TNKS: variants seen among roughly 807,000 people sequenced by gnomAD.
The protein encoded by TNKS is poly [ADP-ribose] polymerase tankyrase-1.
TNKS carries 72 observed loss-of-function variants against 135.8 expected under a neutral mutation model. The ratio of observed to expected loss-of-function variants is 0.53; its 90% CI spans 0.44 to 0.64. The LOEUF is 0.64. Ranked by LOEUF, TNKS falls within the 30% of genes least tolerant of loss-of-function variation. The pLI, the probability that TNKS is intolerant of heterozygous loss-of-function variation, is 0.00. For synonymous variants in TNKS, 849 were observed against 649.3 expected, an observed-to-expected ratio of 1.31 and a Z score of -4.68; for missense variants, 1,769 against 1,674.0, an observed-to-expected ratio of 1.06 and a Z score of -0.99.
At chr8:9,592,094 T>G (rs1463912262) in intron 2 of TNKS, among the ~76,000 whole-genome samples, 1 of 152,188 alleles carries the variant, frequency 6.6e-6, no homozygotes, top group Non-Finnish European at 1.5e-5. Flanking sequence ...TAGAAAATAA[T>G]TATCTAAAAT....
At chr8:9,742,796 A>G (rs1462059198) in intron 17 of TNKS, among the ~76,000 whole-genome samples, 1 of 149,944 alleles carries the variant, frequency 6.7e-6, no homozygotes, top group Non-Finnish European at 1.5e-5. Flanking sequence ...ATACTTATAT[A>G]TTTAAGGATA....
At chr8:9,600,087 A>T (rs1798954310) in intron 2 of TNKS, among the ~76,000 whole-genome samples, 1 of 152,164 alleles carries the variant, frequency 6.6e-6, no homozygotes, top group Non-Finnish European at 1.5e-5. Context: ...TAGGTACTCT[A>T]ATATTATCTC....
chr8:9,648,635 C>T (rs960247008), intron 3 of TNKS, among the ~76,000 whole-genome samples: 31 of 152,126 alleles, frequency 2.0e-4, no homozygotes, highest in Admixed American at 1.1e-3. Flanking sequence ...GGTTTGTTTA[C>T]ACCAGCATCA....
intron 3 of TNKS, among the ~76,000 whole-genome samples, chr8:9,633,992 T>A (rs1800399811): frequency 6.6e-6 from 1 of 152,038 alleles, no homozygotes; most frequent in Non-Finnish European, 1.5e-5. Context: ...TTCATTCTTT[T>A]AAGTTGTCAT....
chr8:9,720,336 G>T (rs199723564), intron 11 of TNKS, 38 bp from the exon 12 acceptor site: 29 of 1,507,742 alleles, frequency 1.9e-5, no homozygotes, highest in Non-Finnish European at 2.6e-5. Flanking sequence ...AACTAAACAA[G>T]ATGCTCAATT....
At chr8:9,750,351 T>C (rs1032010220) in intron 18 of TNKS, among the ~76,000 whole-genome samples, 1 of 152,210 alleles carries the variant, frequency 6.6e-6, no homozygotes, top group African/African-American at 2.4e-5. Context: ...ATACATTTCC[T>C]TAAAGAGAAC....
chr8:9,697,750 A>C (rs1803586054), intron 5 of TNKS, among the ~76,000 whole-genome samples: 1 of 152,134 alleles, frequency 6.6e-6, no homozygotes, highest in Non-Finnish European at 1.5e-5. Context: ...GTCTCACACC[A>C]CTCAGAATGG....
chr8:9,763,317 C>T (rs1807249717), intron 22 of TNKS, 73 bp downstream of exon 22: 3 of 1,031,680 alleles, frequency 2.9e-6, no homozygotes, highest in South Asian at 3.4e-5. Flanking sequence ...TGGAATTAAC[C>T]TCGTCTTACA....
intron 11 of TNKS, chr8:9,710,474 AG>A (rs1299726451): frequency 1.8e-6 from 1 of 570,418 alleles, no homozygotes; most frequent in East Asian, 2.8e-5. Context: ...CATTTGAAAT[AG>A]ATTTCATCTT....
chr8:9,761,874 C>G (rs1282657759), intron 21 of TNKS, among the ~76,000 whole-genome samples: 1 of 152,228 alleles, frequency 6.6e-6, no homozygotes, highest in East Asian at 1.9e-4. Context: ...CTCTGTACTT[C>G]TGTCCTTTCC....
intron 17 of TNKS, among the ~76,000 whole-genome samples, chr8:9,736,713 G>C (rs1805723600): frequency 1.3e-5 from 1 of 78,022 alleles, no homozygotes; most frequent in Non-Finnish European, 2.5e-5. Flanking sequence ...GATAGTTGTA[G>C]ATATGCGGCA....
chr8:9,729,576 G>A (rs1805324279), intron 13 of TNKS, among the ~76,000 whole-genome samples: 2 of 152,112 alleles, frequency 1.3e-5, no homozygotes, highest in African/African-American at 2.4e-5. Flanking sequence ...AGACTAAGAG[G>A]TTAAAAATCA....
intron 17 of TNKS, among the ~76,000 whole-genome samples, chr8:9,743,941 G>A (rs1181093150): frequency 6.6e-6 from 1 of 151,972 alleles, no homozygotes; most frequent in African/African-American, 2.4e-5. Context: ...AATAATCTGA[G>A]GTAGCTGTGA....
At chr8:9,609,479 C>G (rs904875299) in intron 2 of TNKS, among the ~76,000 whole-genome samples, 2 of 152,144 alleles carry the variant, frequency 1.3e-5, no homozygotes, top group South Asian at 4.1e-4. Context: ...ATAGTCCTTA[C>G]TTTTGGGGGC....
chr8:9,752,912 C>T (rs902700572), intron 20 of TNKS, among the ~76,000 whole-genome samples: 2 of 150,432 alleles, frequency 1.3e-5, no homozygotes, highest in Non-Finnish European at 2.9e-5. Flanking sequence ...CTGCAGTGAG[C>T]TGTGATTGTG....
At chr8:9,691,178 C>T (rs889342792) in intron 5 of TNKS, among the ~76,000 whole-genome samples, 4 of 152,186 alleles carry the variant, frequency 2.6e-5, no homozygotes, top group African/African-American at 9.7e-5. Flanking sequence ...AAGAAGAGAC[C>T]AAGTGACTGT....
At chr8:9,596,409 A>C (rs1000122577) in intron 2 of TNKS, among the ~76,000 whole-genome samples, 6 of 152,312 alleles carry the variant, frequency 3.9e-5, no homozygotes, top group Admixed American at 3.9e-4. Flanking sequence ...CTAGAAAACT[A>C]TTAAGTATAA....
At chr8:9,610,305 A>AAATT (rs1799408211) in intron 2 of TNKS, among the ~76,000 whole-genome samples, 1 of 150,604 alleles carries the variant, frequency 6.6e-6, no homozygotes, top group Non-Finnish European at 1.5e-5. Flanking sequence ...TATAATATAT[A>AAATT]TATACTGTAT....
chr8:9,626,750 A>G (rs1461542744), intron 3 of TNKS, among the ~76,000 whole-genome samples: 4 of 152,198 alleles, frequency 2.6e-5, no homozygotes, highest in African/African-American at 4.8e-5. Context: ...TTTGACACCC[A>G]TGAGGGAGTT....
Sources: gnomAD v4.1 joint callset for allele counts (sites outside exome capture counted in the v4.1 genomes callset) on GRCh38, gnomAD v4.1.1 for gene constraint, MANE v1.5 for transcripts, NCBI Gene and HGNC (gene_info 2026-07-23, HGNC 2026-07-21) for gene names.